Variants in OSGIN1 observed in about 807,000 individuals in gnomAD.
OSGIN1 encodes oxidative stress-induced growth inhibitor 1.
A neutral mutation model predicts 20.1 loss-of-function variants in OSGIN1; 19 were observed. The observed-to-expected ratio is 0.95, with a 90% CI of 0.66 to 1.39. The LOEUF is 1.39. OSGIN1 is among the 40% of genes most tolerant of loss of function. The pLI, the probability that OSGIN1 is intolerant of heterozygous loss-of-function variation, is 0.00. For synonymous variants in OSGIN1, 368 were observed against 297.8 expected (o/e 1.24, Z -2.43); for missense variants, 820 against 653.0 (o/e 1.26, Z -2.79).
At chr16:83,960,466 G>A in intron 3 of OSGIN1, 103 bp from the exon 4 acceptor site, 1 of 883,204 alleles carries the variant, frequency 1.1e-6, no homozygotes, top group Non-Finnish European at 1.8e-6. Flanking sequence ...CAGTGCCAGG[G>A]AAATGGCCCG....
intron 2 of OSGIN1, among the ~76,000 whole-genome samples, chr16:83,958,963 C>T (rs1021874072): frequency 1.3e-5 from 2 of 152,164 alleles, no homozygotes; most frequent in Admixed American, 6.5e-5. Context: ...TGCCCATTTC[C>T]TCAAGTATAA....
intron 3 of OSGIN1, 88 bp downstream of exon 3, chr16:83,959,484 G>A: frequency 5.5e-6 from 7 of 1,277,750 alleles, no homozygotes; most frequent in Non-Finnish European, 6.5e-6. Context: ...ACAAAAGTGT[G>A]TGTTTGCTGG....
In OSGIN1 at chr16:83,960,663, G is replaced by T. The variant is rs755822526; in HGVS notation, c.299G>T (p.Gly100Val). Residue 100 changes from glycine to valine, a missense_variant, in exon 4 of 6, where the codon GGG becomes GTG. By Grantham distance (109) the Gly-to-Val change is moderately radical. Coordinates refer to ENST00000393306, the MANE Select transcript of OSGIN1 (RefSeq NM_182981.3). Reference sequence around the variant, plus strand: ...CTTCTACGCCCAGACACAGACTTTGGGGGAAACATGAAGTCGGTCCTCACC... The same window carrying T: ...CTTCTACGCCCAGACACAGACTTTGTGGGAAACATGAAGTCGGTCCTCACC... ...DALLRPDTDF[G>V]GNMKSVLTWK... 22 of 1,613,498 alleles carry T rather than the reference G, an allele frequency of 1.4e-5. 1 individual carries two copies. The South Asian group carries it at 2.3e-4, about 17-fold the overall frequency.
At chr16:83,959,234 C>G in intron 2 of OSGIN1, 26 bp from the exon 3 acceptor site, 6 of 1,608,886 alleles carry the variant, frequency 3.7e-6, no homozygotes, top group Non-Finnish European at 5.1e-6. Flanking sequence ...AGGCCACCCC[C>G]TTTAACCTCC....
intron 5 of OSGIN1, among the ~76,000 whole-genome samples, chr16:83,962,893 G>T (rs2084232337): frequency 6.6e-6 from 1 of 152,194 alleles, no homozygotes; most frequent in Admixed American, 6.5e-5. Flanking sequence ...GCAGTTCCCT[G>T]CTTGACTTTT....
At position 83,960,804 on chromosome 16, in the gene OSGIN1, C is replaced by G. The variant is rs375648636; in HGVS notation, c.396+44C>G. 11 of 1,587,646 alleles carry G rather than the reference C, an allele frequency of 6.9e-6. No homozygotes were observed. The South Asian group carries it at 8.9e-5, about 13-fold the overall frequency. ...GCATGGCTTGTGGGGGGCTCTCTCC[C>G]TCGTTCTCCCCACTTGGGGCTGGGA... On this transcript the variant is annotated intron_variant, in intron 4 of 5. Coordinates refer to ENST00000393306, the MANE Select transcript of OSGIN1 (RefSeq NM_182981.3).
At chr16:83,962,191 C>T (rs1265338494) in intron 5 of OSGIN1, among the ~76,000 whole-genome samples, 1 of 152,040 alleles carries the variant, frequency 6.6e-6, no homozygotes, top group Non-Finnish European at 1.5e-5. Flanking sequence ...GGTTTGTGAA[C>T]CCTGAATATT....
intron 1 of OSGIN1, chr16:83,954,597 G>T (rs375187905): frequency 5.7e-6 from 1 of 174,292 alleles, no homozygotes; most frequent in African/African-American, 2.4e-5. Flanking sequence ...AAGCTGCTTC[G>T]GACTTTGGGG....
intron 5 of OSGIN1, among the ~76,000 whole-genome samples, chr16:83,962,521 G>T (rs1311796097): frequency 1.3e-5 from 2 of 152,214 alleles, no homozygotes; most frequent in Non-Finnish European, 2.9e-5. Flanking sequence ...GATTACAGGC[G>T]TGAGCCACCA....
chr16:83,965,982 G>A lies in OSGIN1; in HGVS notation c.1409G>A (p.Arg470Lys). The A allele has an allele frequency of 6.3e-7, 1 of 1,593,802 alleles. No individual in the cohort carries two copies. Among genetic ancestry groups the A allele is most frequent in the African/African-American group, 1.3e-5 (1 of 74,416 alleles). ...TTGGCTGTGGCCAGCTCCCTGCTAA[G>A]GAAGGAGACCAGGAAGCCACCCTAA... ...GALAVASSLL[R>K]KETRKPP Residue 470 changes from arginine (R) to lysine (K), a missense_variant, in exon 6 of 6, where the codon AGG (arginine) becomes AAG (lysine). Physicochemically the swap from Arg to Lys is conservative, Grantham distance 26. Transcript: ENST00000393306.
At chr16:83,958,754 G>T (rs186597171) in intron 2 of OSGIN1, among the ~76,000 whole-genome samples, 2 of 152,204 alleles carry the variant, frequency 1.3e-5, no homozygotes, top group African/African-American at 4.8e-5. Context: ...GCACCCCTGA[G>T]CGCCCACAAG....
Position 83,961,133 on chromosome 16 carries a change from T to G in OSGIN1, c.488+61T>G, listed in dbSNP as rs369698207. 7.8e-4 allele frequency: 994 copies of G among 1,282,280 alleles called. 14 individuals carry two copies. In the South Asian group the frequency reaches 0.011, roughly 14 times the overall value. The allele number at this position is 1,282,280 out of a possible 1,614,324, so 79.4% of individuals were successfully genotyped here. A position where few individuals can be genotyped will look rare whatever the true frequency, so the allele number is the denominator to read the frequency against. Reference sequence around the variant, plus strand: ...AGGTTGGGCCTGTGAACCCAGAAAATCTGAGACAGGTCTCAGTTAATTTAG... The same window carrying G: ...AGGTTGGGCCTGTGAACCCAGAAAAGCTGAGACAGGTCTCAGTTAATTTAG... On this transcript the variant is annotated intron_variant, in intron 5 of 5. Transcript: ENST00000393306.
chr16:83,961,863 C>T (rs184952653), intron 5 of OSGIN1, among the ~76,000 whole-genome samples: 5 of 152,322 alleles, frequency 3.3e-5, no homozygotes, highest in Admixed American at 1.3e-4. Context: ...GCACAGGTCC[C>T]CCAGTCCTTG....
In OSGIN1 at chr16:83,965,471, G is replaced by A. The variant is rs1171219841; in HGVS notation, c.898G>A (p.Ala300Thr). The change falls in exon 6 of 6, where the codon GCG (alanine) becomes ACG (threonine). Residue 300 changes from alanine (A) to threonine (T), a missense_variant. By Grantham distance (58) the Ala-to-Thr change is moderately conservative. Transcript: ENST00000393306. ...TGGCGCGGGGCTGTCAGCGGCCGAC[G>A]CGGTCCTCTACGCCCGCCACTACAA... ...IIGAGLSAADAVLYARHYNIP... is the reference protein window; with the variant it reads ...IIGAGLSAADTVLYARHYNIP... 6 of 1,605,538 alleles carry A rather than the reference G, an allele frequency of 3.7e-6. No individual in the cohort carries two copies. In the East Asian group the frequency reaches 6.7e-5, roughly 18 times the overall value.
chr16:83,955,609 G>A (rs1283509764), intron 1 of OSGIN1, among the ~76,000 whole-genome samples: 4 of 152,182 alleles, frequency 2.6e-5, no homozygotes, highest in Non-Finnish European at 5.9e-5. Context: ...ATTTGTTAAC[G>A]TGTATTAAGT....
chr16:83,965,239 G>T lies in OSGIN1; in HGVS notation c.666G>T (p.Val222=), dbSNP rs748717139. Residue 222 remains valine (V), a synonymous_variant, in exon 6 of 6, where the codon GTG becomes GTT. Transcript: ENST00000393306. ...GAQDSSPLFQ[V]SGFLTRNQAQ... ...AGGACTCCAGCCCCCTCTTCCAGGT[G>T]AGCGGCTTCCTGACCAGGAACCAGG... The T allele has an allele frequency of 3.7e-5, 60 of 1,612,296 alleles. No homozygotes were observed. The highest frequency in any genetic ancestry group is 5.0e-5 in the Non-Finnish European group (59 of 1,179,670).
chr16:83,964,686 C>T lies in OSGIN1; in HGVS notation c.489-376C>T, dbSNP rs192510951. ...CAGCTCACCAAATCCTCCCCACGAC[C>T]TCACGAAATAGGTCCTGCCACCAAC... On this transcript the variant is annotated intron_variant, in intron 5 of 5. Coordinates refer to ENST00000393306, the MANE Select transcript of OSGIN1 (RefSeq NM_182981.3). Among the ~76,000 whole-genome samples the T allele has an allele frequency of 3.1e-3, 476 of 152,326 alleles. 3 individuals carry two copies. Among genetic ancestry groups the T allele is most frequent in the Non-Finnish European group, 5.6e-3 (379 of 68,040 alleles).
At chr16:83,964,937 C>T in intron 5 of OSGIN1, 125 bp from the exon 6 acceptor site, 1 of 692,570 alleles carries the variant, frequency 1.4e-6, no homozygotes, top group Non-Finnish European at 2.5e-6. Context: ...ATTACCTGGC[C>T]TAGTCCTACA....
chr16:83,963,630 GAT>G (rs1379194047), intron 5 of OSGIN1, among the ~76,000 whole-genome samples: 1 of 152,208 alleles, frequency 6.6e-6, no homozygotes, highest in Non-Finnish European at 1.5e-5. Context: ...TGCCCACAGA[GAT>G]AAATTCCAGG....
Sources: gnomAD v4.1 joint callset for allele counts (sites outside exome capture counted in the v4.1 genomes callset) on GRCh38, gnomAD v4.1.1 for gene constraint, MANE v1.5 for transcripts, NCBI Gene and HGNC (gene_info 2026-07-23, HGNC 2026-07-21) for gene names.